GPC3: variants seen among roughly 807,000 people sequenced by gnomAD.
GPC3 encodes the protein glypican 3.
In GPC3, 3 loss-of-function variants were observed where a neutral mutation model predicts 34.4. The observed-to-expected ratio is 0.09, with a 90% CI of 0.04 to 0.23. The LOEUF (loss-of-function observed/expected upper bound fraction) is 0.23. Among genes scored for constraint, GPC3 ranks in the 10% least tolerant of loss-of-function variants. The probability of loss-of-function intolerance (pLI) is 1.00; values close to 1 mark genes in which losing one functional copy is unlikely to be tolerated. For missense variants in GPC3, 351 were observed against 445.6 expected (o/e 0.79, Z 1.91); for synonymous variants, 177 against 174.0 (o/e 1.02, Z -0.13).
At chrX:133,832,521 C>T (rs2075779986) in intron 2 of GPC3, among the ~76,000 whole-genome samples, 1 of 109,445 alleles carries the variant, frequency 9.1e-6, no homozygotes, top group South Asian at 4.0e-4. Flanking sequence ...AATTCACACA[C>T]CCAGTTAGTC....
intron 7 of GPC3, among the ~76,000 whole-genome samples, chrX:133,588,145 G>A (rs768063387): frequency 9.0e-6 from 1 of 111,358 alleles, no homozygotes; most frequent in Non-Finnish European, 1.9e-5. Flanking sequence ...AGTTCCAGGG[G>A]TGGCTTACTT....
At chrX:133,815,166 T>C (rs1242108804) in intron 2 of GPC3, among the ~76,000 whole-genome samples, 1 of 107,645 alleles carries the variant, frequency 9.3e-6, no homozygotes, top group Non-Finnish European at 1.9e-5. Context: ...ACTTGCATTA[T>C]AATTTTTGAG....
chrX:133,693,198 TGTGA>T (rs1321591617), intron 4 of GPC3, among the ~76,000 whole-genome samples: 103 of 95,095 alleles, frequency 1.1e-3, no homozygotes, highest in South Asian at 1.4e-3. Context: ...TGTGTGTGTG[TGTGA>T]GACAGAGAGA....
At chrX:133,621,924 G>A (rs747216780) in intron 6 of GPC3, among the ~76,000 whole-genome samples, 2 of 112,021 alleles carry the variant, frequency 1.8e-5, no homozygotes, top group East Asian at 2.8e-4. Flanking sequence ...CTGACACCAC[G>A]TACGGCCAGG....
chrX:133,788,389 T>C lies in GPC3; in HGVS notation c.338-34213A>G, dbSNP rs1279265098. Among the ~76,000 whole-genome samples, 3 of 108,989 alleles carry C rather than the reference T, an allele frequency of 2.8e-5. No homozygotes were observed. In the Admixed American group the frequency reaches 3.0e-4, roughly 11 times the overall value. 94.6% of individuals were successfully genotyped at this position (108,989 alleles called of 115,157 possible). ...AAGATCCAGTTGTGGGATTAGATGC[T>C]TTCTCACTATTATGAATTCTCCAAT... On this transcript the variant is annotated intron_variant, in intron 2 of 7. Coordinates refer to ENST00000370818, the MANE Select transcript of GPC3 (RefSeq NM_004484.4).
intron 1 of GPC3, among the ~76,000 whole-genome samples, chrX:133,959,867 C>G (rs1219981049): frequency 8.9e-6 from 1 of 112,114 alleles, no homozygotes; most frequent in Non-Finnish European, 1.9e-5. Context: ...AAGAAATAGT[C>G]TACATTCTAA....
At chrX:133,933,283 G>A (rs1213144435) in intron 2 of GPC3, among the ~76,000 whole-genome samples, 1 of 110,536 alleles carries the variant, frequency 9.0e-6, no homozygotes, top group African/African-American at 3.3e-5. Flanking sequence ...TAGGTTACTA[G>A]AAACCTAGAG....
intron 2 of GPC3, among the ~76,000 whole-genome samples, chrX:133,779,348 T>G (rs1276377740): frequency 8.9e-6 from 1 of 112,402 alleles, no homozygotes; most frequent in Non-Finnish European, 1.9e-5. Flanking sequence ...GAGACAGTTA[T>G]AATACAGTAG....
In GPC3 at chrX:133,658,495, ACAT is replaced by A. The variant is rs1183580444; in HGVS notation, c.1413+3232_1413+3234del. 3.6e-5 allele frequency among the ~76,000 whole-genome samples: 4 copies of A among 111,476 alleles called. No individual in the cohort carries two copies. In the South Asian group the frequency reaches 1.5e-3, roughly 42 times the overall value. On this transcript the variant is annotated intron_variant, in intron 6 of 7. Transcript: ENST00000370818. ...CACATTATCATTATCATCATCATCG[ACAT>A]CATCATCATCATCATGACTTTCTTC...
intron 7 of GPC3, among the ~76,000 whole-genome samples, chrX:133,593,696 A>C (rs951483014): frequency 1.8e-5 from 2 of 111,513 alleles, no homozygotes; most frequent in African/African-American, 6.5e-5. Context: ...CCTCTAATCT[A>C]CTAGCCTAAG....
intron 2 of GPC3, among the ~76,000 whole-genome samples, chrX:133,781,826 G>T (rs1056179344): frequency 2.7e-5 from 3 of 111,600 alleles, no homozygotes; most frequent in African/African-American, 9.8e-5. Flanking sequence ...GGTACTAAGG[G>T]TGCCAGGAAC....
intron 2 of GPC3, among the ~76,000 whole-genome samples, chrX:133,842,895 T>TAGAA (rs1217357030): frequency 4.9e-4 from 54 of 111,317 alleles, no homozygotes; most frequent in African/African-American, 1.6e-3. Context: ...GCATGACCAA[T>TAGAA]AGAACACAGC....
intron 2 of GPC3, among the ~76,000 whole-genome samples, chrX:133,792,644 G>T (rs1189595261): frequency 9.0e-6 from 1 of 111,365 alleles, no homozygotes; most frequent in African/African-American, 3.3e-5. Context: ...CACACTTACT[G>T]CTTCCATCCA....
At position 133,967,918 on chromosome X, in the gene GPC3, G is replaced by A. The variant is rs745872258; in HGVS notation, c.176-14707C>T. Among the ~76,000 whole-genome samples the A allele has an allele frequency of 2.5e-4, 28 of 112,623 alleles. No individual in the cohort carries two copies. In the South Asian group the frequency reaches 9.5e-3, roughly 38 times the overall value. The stretch of plus-strand genomic sequence containing the variant: ...AAAGTGCTGGGTGGCATGAGCCACC[G>A]TGTCCAGCCTGCTTTTTACTTTTTA... On this transcript the variant is annotated intron_variant, in intron 1 of 7. Coordinates refer to ENST00000370818, the MANE Select transcript of GPC3 (RefSeq NM_004484.4).
chrX:133,769,334 C>T (rs181073273), intron 2 of GPC3, among the ~76,000 whole-genome samples: 114 of 111,687 alleles, frequency 1.0e-3, no homozygotes, highest in African/African-American at 3.5e-3. Flanking sequence ...CTATAGTCAA[C>T]GATACTGTAT....
chrX:133,805,785 T>C (rs1311438206), intron 2 of GPC3, among the ~76,000 whole-genome samples: 2 of 112,230 alleles, frequency 1.8e-5, no homozygotes, highest in Non-Finnish European at 3.8e-5. Context: ...GCAGGCCCTG[T>C]ATAAATGCTA....
At chrX:133,563,891 T>C (rs768805906) in intron 7 of GPC3, among the ~76,000 whole-genome samples, 3 of 111,818 alleles carry the variant, frequency 2.7e-5, no homozygotes, top group Non-Finnish European at 5.6e-5. Flanking sequence ...CATAAGGCTG[T>C]ATTTCCCACT....
chrX:133,570,187 G>A (rs769206890), intron 7 of GPC3, among the ~76,000 whole-genome samples: 176 of 100,317 alleles, frequency 1.8e-3, no homozygotes, highest in South Asian at 3.2e-3. Flanking sequence ...CACCGCGCCC[G>A]GCCTGTTTGT....
intron 2 of GPC3, among the ~76,000 whole-genome samples, chrX:133,838,283 T>C (rs1309577514): frequency 8.9e-6 from 1 of 112,362 alleles, no homozygotes; most frequent in Non-Finnish European, 1.9e-5. Context: ...CCAATCCTCA[T>C]CTCCCTTTTT....
Sources: allele counts gnomAD v4.1 joint callset (sites outside exome capture counted in the v4.1 genomes callset), GRCh38; gene constraint gnomAD v4.1.1; transcripts MANE v1.5; gene names NCBI Gene and HGNC (gene_info 2026-07-23, HGNC 2026-07-21).